SUGCT: variants seen among roughly 807,000 people sequenced by gnomAD.
SUGCT encodes succinyl-CoA:glutarate CoA-transferase.
SUGCT carries 41 observed loss-of-function variants against 55.0 expected under a neutral mutation model. That is an observed-to-expected ratio of 0.74 (90% CI 0.58 to 0.97). The LOEUF (loss-of-function observed/expected upper bound fraction) is 0.97. SUGCT is among the 50% of genes least tolerant of loss of function. SUGCT has a pLI of 0.00. For synonymous variants in SUGCT, 187 were observed against 200.4 expected (o/e 0.93, Z 0.56); for missense variants, 568 against 547.8 (o/e 1.04, Z -0.37).
At chr7:40,748,485 A>T (rs1178662844) in intron 12 of SUGCT, among the ~76,000 whole-genome samples, 1 of 151,458 alleles carries the variant, frequency 6.6e-6, no homozygotes, top group Admixed American at 6.6e-5. Context: ...TTATTTTATA[A>T]TTTTTATTAT....
At chr7:40,590,435 C>G (rs1192902133) in intron 12 of SUGCT, among the ~76,000 whole-genome samples, 1 of 152,074 alleles carries the variant, frequency 6.6e-6, no homozygotes, top group African/African-American at 2.4e-5. Flanking sequence ...GCCAAACAGC[C>G]AAATTGTGAA....
At chr7:40,175,892 C>T (rs756820646) in intron 1 of SUGCT, among the ~76,000 whole-genome samples, 9 of 152,054 alleles carry the variant, frequency 5.9e-5, no homozygotes, top group Non-Finnish European at 1.2e-4. Context: ...TGGGAATGAC[C>T]GTGAAAGCTC....
chr7:40,697,499 G>A (rs1289438727), intron 12 of SUGCT, among the ~76,000 whole-genome samples: 1 of 152,126 alleles, frequency 6.6e-6, no homozygotes, highest in African/African-American at 2.4e-5. Flanking sequence ...TTAGCCAATT[G>A]TTGTGGCAGG....
At position 40,857,723 on chromosome 7, in the gene SUGCT, A is replaced by G. The variant is rs113379731; in HGVS notation, c.1154-2593A>G. On this transcript the variant is annotated intron_variant, in intron 13 of 13. Coordinates refer to ENST00000335693, the MANE Select transcript of SUGCT (RefSeq NM_001193313.2). ...AATCTCAAAAATATTATGTTAAGTG[A>G]AAGAAGCCAGACACAAAAAGTCACA... Among the ~76,000 whole-genome samples, 558 of 152,252 alleles carry G rather than the reference A, an allele frequency of 3.7e-3. 1 individual carries two copies. Among genetic ancestry groups the G allele is most frequent in the African/African-American group, 0.013 (523 of 41,544 alleles).
chr7:40,527,039 C>T (rs1022485078), intron 12 of SUGCT, among the ~76,000 whole-genome samples: 1 of 152,150 alleles, frequency 6.6e-6, no homozygotes, highest in African/African-American at 2.4e-5. Flanking sequence ...TTACAAATGG[C>T]ATCGCTTATA....
At chr7:40,158,675 G>A (rs937260847) in intron 1 of SUGCT, among the ~76,000 whole-genome samples, 9 of 151,492 alleles carry the variant, frequency 5.9e-5, no homozygotes, top group Non-Finnish European at 8.8e-5. Flanking sequence ...GCTTGAACCC[G>A]GGGGGCAGAG....
chr7:40,793,180 T>C (rs976792415), intron 13 of SUGCT: 1 of 152,070 alleles, frequency 6.6e-6, no homozygotes, highest in Non-Finnish European at 1.5e-5. Context: ...AAGGCACACA[T>C]CTCTGGGTTT....
intron 12 of SUGCT, among the ~76,000 whole-genome samples, chr7:40,657,698 C>G (rs998537830): frequency 3.3e-5 from 5 of 152,174 alleles, no homozygotes; most frequent in Non-Finnish European, 7.3e-5. Flanking sequence ...CTAGGCCCAG[C>G]TAATTTTTTG....
chr7:40,654,583 C>T (rs574522518), intron 12 of SUGCT, among the ~76,000 whole-genome samples: 4 of 152,268 alleles, frequency 2.6e-5, no homozygotes, highest in South Asian at 2.1e-4. Context: ...AAGTGGTTCC[C>T]GTGTCTTGCA....
chr7:40,220,018 G>A (rs1787935181), intron 6 of SUGCT, among the ~76,000 whole-genome samples: 1 of 152,110 alleles, frequency 6.6e-6, no homozygotes, highest in Non-Finnish European at 1.5e-5. Context: ...AAGGCAGTTT[G>A]TACTGTTTTG....
intron 6 of SUGCT, among the ~76,000 whole-genome samples, chr7:40,223,517 A>G (rs748670211): frequency 3.9e-5 from 6 of 152,204 alleles, no homozygotes; most frequent in Non-Finnish European, 8.8e-5. Flanking sequence ...TATTCTATAA[A>G]TGATCATTTT....
intron 13 of SUGCT, among the ~76,000 whole-genome samples, chr7:40,810,335 ATC>A (rs1563018798): frequency 6.6e-6 from 1 of 152,084 alleles, no homozygotes; most frequent in Non-Finnish European, 1.5e-5. Context: ...TCTTTGAGAA[ATC>A]TCCAAACTGC....
intron 5 of SUGCT, among the ~76,000 whole-genome samples, chr7:40,189,942 T>G (rs1355367695): frequency 1.3e-5 from 2 of 152,190 alleles, no homozygotes; most frequent in African/African-American, 4.8e-5. Flanking sequence ...TTGAGTTTCC[T>G]GGTGCCTAAG....
intron 13 of SUGCT, among the ~76,000 whole-genome samples, chr7:40,777,240 A>G (rs1259043592): frequency 6.6e-6 from 1 of 152,198 alleles, no homozygotes; most frequent in Non-Finnish European, 1.5e-5. Context: ...ATTAGTTTCT[A>G]GGTTTTGATC....
chr7:40,423,088 C>A (rs1787398708), intron 9 of SUGCT, among the ~76,000 whole-genome samples: 2 of 152,090 alleles, frequency 1.3e-5, no homozygotes, highest in Non-Finnish European at 2.9e-5. Flanking sequence ...AATAGCTTGC[C>A]TGGGTGACAG....
intron 9 of SUGCT, among the ~76,000 whole-genome samples, chr7:40,414,615 C>G (rs754830952): frequency 6.6e-5 from 10 of 152,062 alleles, no homozygotes; most frequent in Non-Finnish European, 1.0e-4. Flanking sequence ...AAAAAAAATT[C>G]GGCCATGTTG....
chr7:40,743,902 A>G (rs994125982), intron 12 of SUGCT, among the ~76,000 whole-genome samples: 4 of 151,866 alleles, frequency 2.6e-5, no homozygotes, highest in Non-Finnish European at 5.9e-5. Context: ...TCTTTTTTTA[A>G]ATTTTCTATT....
At position 40,421,802 on chromosome 7, in the gene SUGCT, G is replaced by T. The variant is rs1369865591; in HGVS notation, c.817-27485G>T. On this transcript the variant is annotated intron_variant, in intron 9 of 13. Transcript: ENST00000335693. ...GCGCTGATACTTGTAATCACTCTTAGGACTGTGTACTCACTGATACTTGTC... is the reference window on the plus strand; with the variant it reads ...GCGCTGATACTTGTAATCACTCTTATGACTGTGTACTCACTGATACTTGTC... Among the ~76,000 whole-genome samples the T allele has an allele frequency of 3.3e-5, 5 of 152,104 alleles. No individual in the cohort carries two copies. The East Asian group carries it at 9.7e-4, about 29-fold the overall frequency.
At chr7:40,715,656 A>G (rs920283102) in intron 12 of SUGCT, among the ~76,000 whole-genome samples, 4 of 152,082 alleles carry the variant, frequency 2.6e-5, no homozygotes, top group East Asian at 1.9e-4. Flanking sequence ...TGCATATTCA[A>G]TCAGTTGCTG....
Sources: allele counts gnomAD v4.1 joint callset (sites outside exome capture counted in the v4.1 genomes callset), GRCh38; gene constraint gnomAD v4.1.1; transcripts MANE v1.5; gene names NCBI Gene and HGNC (gene_info 2026-07-23, HGNC 2026-07-21).